Variants in RAB3B observed in about 807,000 individuals in gnomAD.
RAB3B encodes the protein RAB3B, member RAS oncogene family.
In RAB3B, 11 loss-of-function variants were observed where a neutral mutation model predicts 20.5. The observed-to-expected ratio is 0.54, with a 90% CI of 0.34 to 0.89. The LOEUF (loss-of-function observed/expected upper bound fraction) is 0.89. Ranked by LOEUF, RAB3B falls within the 40% of genes least tolerant of loss-of-function variation. The pLI is 0.02. For synonymous variants in RAB3B, 99 were observed against 106.3 expected (o/e 0.93, Z 0.42); for missense variants, 225 against 280.9 (o/e 0.80, Z 1.42).
intron 2 of RAB3B, among the ~76,000 whole-genome samples, chr1:51,944,575 T>C (rs567260835): frequency 3.9e-5 from 6 of 152,324 alleles, no homozygotes; most frequent in Non-Finnish European, 8.8e-5. Flanking sequence ...TTGAAATAAA[T>C]TGATTCCAAA....
At chr1:51,980,817 G>A (rs1051531066) in intron 1 of RAB3B, 5 of 743,656 alleles carry the variant, frequency 6.7e-6, no homozygotes, top group Non-Finnish European at 1.2e-5. Flanking sequence ...CAAAGCCCAT[G>A]TAAGGAGCTG....
Position 51,909,805 on chromosome 1 carries a change from G to A in RAB3B, c.*10122C>T, listed in dbSNP as rs1375720303. 6.6e-6 allele frequency: 1 copy of A among 152,246 alleles called. No homozygotes were observed. Among genetic ancestry groups the A allele is most frequent in the Non-Finnish European group, 1.5e-5 (1 of 68,140 alleles). The allele number at this position is 152,246 out of a possible 1,614,324, so 9.4% of individuals were successfully genotyped here. The stretch of plus-strand genomic sequence containing the variant: ...CCCCTTCTCTTGCTCCTTTGCTCAT[G>A]GTGTTTACACTGGCTTTCTCCAGTC... On this transcript the variant is annotated 3_prime_UTR_variant, in exon 5 of 5. Transcript: ENST00000371655.
intron 2 of RAB3B, among the ~76,000 whole-genome samples, chr1:51,958,459 C>A (rs1159366065): frequency 2.0e-5 from 3 of 152,192 alleles, no homozygotes; most frequent in Non-Finnish European, 2.9e-5. Context: ...CGCGGTGGCT[C>A]ATGCCTGTAA....
At chr1:51,921,622 A>C (rs1481311669) in intron 4 of RAB3B, among the ~76,000 whole-genome samples, 2 of 151,674 alleles carry the variant, frequency 1.3e-5, no homozygotes, top group African/African-American at 4.9e-5. Context: ...AAGTCACTTC[A>C]CCTCTCTGCT....
chr1:51,948,004 CT>C (rs1421328182), intron 2 of RAB3B, among the ~76,000 whole-genome samples: 1 of 152,160 alleles, frequency 6.6e-6, no homozygotes, highest in Non-Finnish European at 1.5e-5. Context: ...TGATTTAATA[CT>C]GTTCTCTGGA....
rs374996601 is a variant in RAB3B, at chr1:51,915,057, C to T, written c.*4870G>A. ...TACCAGAGGGTATATCCCATCTACC[C>T]TTCTGCTAAGACAATCTGAAGAAAA... On this transcript the variant is annotated 3_prime_UTR_variant, in exon 5 of 5. Transcript: ENST00000371655. 5.4e-4 allele frequency: 82 copies of T among 152,284 alleles called. No individual in the cohort carries two copies. The highest frequency in any genetic ancestry group is 1.9e-3 in the African/African-American group (77 of 41,560). 9.4% of individuals were successfully genotyped at this position (152,284 alleles called of 1,614,324 possible).
intron 4 of RAB3B, among the ~76,000 whole-genome samples, chr1:51,928,846 CTT>C (rs1192817965): frequency 6.6e-6 from 1 of 152,218 alleles, no homozygotes; most frequent in Non-Finnish European, 1.5e-5. Flanking sequence ...ACACTCTACT[CTT>C]TGCCTGGCTA....
intron 2 of RAB3B, among the ~76,000 whole-genome samples, chr1:51,959,453 A>C (rs1006163648): frequency 6.6e-6 from 1 of 152,188 alleles, no homozygotes; most frequent in Admixed American, 6.5e-5. Context: ...TCGAGGCTGC[A>C]GTGAGCCATG....
At chr1:51,950,505 G>A (rs575778386) in intron 2 of RAB3B, among the ~76,000 whole-genome samples, 1 of 152,328 alleles carries the variant, frequency 6.6e-6, no homozygotes, top group Non-Finnish European at 1.5e-5. Context: ...GTGCTGAAAA[G>A]GGAAAGCTCA....
Position 51,937,372 on chromosome 1 carries a change from G to C in RAB3B, c.269C>G (p.Ala90Gly). The change falls in exon 3 of 5, where the codon GCC (alanine) becomes GGC (glycine). Residue 90 changes from alanine to glycine, a missense_variant. Ala to Gly is a moderately conservative substitution (Grantham distance 60, BLOSUM62 0). Coordinates refer to ENST00000371655, the MANE Select transcript of RAB3B (RefSeq NM_002867.4). ...GQERYRTITT[A>G]YYRGAMGFIL... ...GAAGCCCATGGCCCCACGGTAATAG[G>C]CTGTTGTGATGGTCCGGTACCGCTC... 2.5e-6 allele frequency: 4 copies of C among 1,613,040 alleles called. No individual in the cohort carries two copies. The highest frequency in any genetic ancestry group is 3.4e-6 in the Non-Finnish European group (4 of 1,179,536).
chr1:51,950,564 T>C (rs1009838251), intron 2 of RAB3B, among the ~76,000 whole-genome samples: 2 of 148,260 alleles, frequency 1.3e-5, no homozygotes, highest in Non-Finnish European at 3.0e-5. Flanking sequence ...CTCATACATA[T>C]CACCTCCTTT....
rs752128165 is a variant in RAB3B, at chr1:51,977,087, C to T, written c.31G>A (p.Val11Ile). The change falls in exon 2 of 5, where the codon GTC becomes ATC. Residue 11 changes from valine (V) to isoleucine (I), a missense_variant. Val to Ile is a conservative substitution (Grantham distance 29). Coordinates refer to ENST00000371655, the MANE Select transcript of RAB3B (RefSeq NM_002867.4). MASVTDGKTGVKDASDQNFDY... is the reference protein window; with the variant it reads MASVTDGKTGIKDASDQNFDY... ...AAATTCTGGTCAGAGGCATCTTTGACTCCAGTTTTACCATCTGTCACTGAA... is the reference window on the plus strand; with the variant it reads ...AAATTCTGGTCAGAGGCATCTTTGATTCCAGTTTTACCATCTGTCACTGAA... The T allele has an allele frequency of 1.2e-6, 2 of 1,614,158 alleles. No individual in the cohort carries two copies. The highest frequency in any genetic ancestry group is 3.3e-5 in the Admixed American group (2 of 60,016).
intron 2 of RAB3B, among the ~76,000 whole-genome samples, chr1:51,970,937 G>A (rs968863840): frequency 1.3e-5 from 2 of 150,126 alleles, no homozygotes; most frequent in African/African-American, 4.9e-5. Flanking sequence ...CGTGAACCCA[G>A]GAGGCAGAAC....
At chr1:51,930,198 T>C (rs1010725331) in intron 4 of RAB3B, among the ~76,000 whole-genome samples, 1 of 152,246 alleles carries the variant, frequency 6.6e-6, no homozygotes, top group African/African-American at 2.4e-5. Flanking sequence ...TCTGTGTTCC[T>C]AAATAAATTT....
intron 2 of RAB3B, among the ~76,000 whole-genome samples, chr1:51,938,021 A>G (rs937303697): frequency 5.7e-5 from 5 of 87,912 alleles, no homozygotes; most frequent in Admixed American, 2.3e-4. Flanking sequence ...TTTTTTTTTT[A>G]AGACAAAGCC....
intron 1 of RAB3B, among the ~76,000 whole-genome samples, chr1:51,978,904 GAA>G (rs1685045999): frequency 6.6e-6 from 1 of 152,218 alleles, no homozygotes; most frequent in Non-Finnish European, 1.5e-5. Context: ...CTCTCTTGAA[GAA>G]AAGTTAGACA....
chr1:51,959,182 C>T (rs976260846), intron 2 of RAB3B, among the ~76,000 whole-genome samples: 3 of 152,120 alleles, frequency 2.0e-5, no homozygotes, highest in Non-Finnish European at 4.4e-5. Context: ...AGAGATGATA[C>T]TTGAACTGAG....
intron 1 of RAB3B, among the ~76,000 whole-genome samples, chr1:51,984,593 T>C (rs911891908): frequency 1.3e-5 from 2 of 152,048 alleles, no homozygotes; most frequent in African/African-American, 4.8e-5. Flanking sequence ...TTTCACCATG[T>C]TGGCCCAGCC....
chr1:51,909,981 T>C lies in RAB3B; in HGVS notation c.*9946A>G, dbSNP rs913873733. 2.6e-5 allele frequency: 4 copies of C among 152,166 alleles called. No homozygotes were observed. Among genetic ancestry groups the C allele is most frequent in the African/African-American group, 9.6e-5 (4 of 41,460 alleles). 9.4% of individuals were successfully genotyped at this position (152,166 alleles called of 1,614,324 possible). Reference sequence around the variant, plus strand: ...TGCACTAAGGGTTTTACACCCATTCTCCATTTAATCCTTTCAACAGCCTTG... The same window carrying C: ...TGCACTAAGGGTTTTACACCCATTCCCCATTTAATCCTTTCAACAGCCTTG... On this transcript the variant is annotated 3_prime_UTR_variant, in exon 5 of 5. Transcript: ENST00000371655.
Sources: allele counts gnomAD v4.1 joint callset (sites outside exome capture counted in the v4.1 genomes callset), GRCh38; gene constraint gnomAD v4.1.1; transcripts MANE v1.5; gene names NCBI Gene and HGNC (gene_info 2026-07-23, HGNC 2026-07-21).